Variants in ZBTB17 observed in about 807,000 individuals in gnomAD.
ZBTB17 encodes zinc finger and BTB domain containing 17, also known as zinc finger and BTB domain-containing protein 17.
Under a neutral mutation model 85.1 loss-of-function variants are expected in ZBTB17, and 24 were observed. That is an observed-to-expected ratio of 0.28 (90% confidence interval 0.20 to 0.40). The LOEUF (loss-of-function observed/expected upper bound fraction) is 0.40, where lower values mean the gene tolerates loss of function less well. Ranked by LOEUF, ZBTB17 falls within the 10% of genes least tolerant of loss-of-function variation. The pLI is 1.00. For missense variants in ZBTB17, 743 were observed against 1,105.1 expected (o/e 0.67, Z 4.65); for synonymous variants, 464 against 460.2 (o/e 1.01, Z -0.11).
At chr1:15,944,641 G>T (rs542814547) in intron 8 of ZBTB17, 41 bp from the exon 9 acceptor site, 4 of 1,601,092 alleles carry the variant, frequency 2.5e-6, no homozygotes, top group East Asian at 4.5e-5. Context: ...GCTCGCTGGG[G>T]CGTGAAAGGC....
At position 15,943,783 on chromosome 1, in the gene ZBTB17, G is replaced by A. The variant is rs1285826197; in HGVS notation, c.1459+25C>T. 3.1e-6 allele frequency: 5 copies of A among 1,612,256 alleles called. No individual in the cohort carries two copies. In the South Asian group the frequency reaches 4.4e-5, roughly 14 times the overall value. ...GTGGCCGAGGAGCAGGGGTGTGAGGGCAGCCAGGGCAGCCCTGGCCCTACC... is the reference window on the plus strand; with the variant it reads ...GTGGCCGAGGAGCAGGGGTGTGAGGACAGCCAGGGCAGCCCTGGCCCTACC... On this transcript the variant is annotated intron_variant, in intron 10 of 15. Transcript: ENST00000375743.
At chr1:15,963,983 G>T (rs537585756) in intron 2 of ZBTB17, among the ~76,000 whole-genome samples, 6 of 151,990 alleles carry the variant, frequency 3.9e-5, no homozygotes, top group Non-Finnish European at 7.4e-5. Flanking sequence ...AGCAGGGTGT[G>T]GTGGCGAGTG....
Position 15,945,185 on chromosome 1 carries a change from C to T in ZBTB17, c.679G>A (p.Ala227Thr), listed in dbSNP as rs1285818153. Residue 227 changes from alanine to threonine, a missense_variant, in exon 7 of 16, where the codon GCC (alanine) becomes ACC (threonine). This residue lies in a region of ZBTB17 where 279 missense variants were observed against 269.9 expected (regional missense o/e 1.03). Transcript: ENST00000375743. ...SSEQEMEVEP[A>T]RKGEEEQKEQ... ...TTTTGCTCCTCTTCCCCTTTCCGGG[C>T]GGGCTCCACCTCCATTTCTGCGGAG... The T allele has an allele frequency of 4.5e-6, 7 of 1,555,512 alleles. No homozygotes were observed. The highest frequency in any genetic ancestry group is 2.4e-5 in the South Asian group (2 of 84,348).
intron 2 of ZBTB17, among the ~76,000 whole-genome samples, chr1:15,961,625 G>A (rs1027714549): frequency 2.0e-5 from 3 of 152,172 alleles, no homozygotes; most frequent in Admixed American, 6.5e-5. Context: ...CCCAGGGCTC[G>A]CCCTTCAACA....
At chr1:15,945,919 G>C (rs1465093695) in intron 5 of ZBTB17, 79 bp from the exon 6 acceptor site, 3 of 1,565,152 alleles carry the variant, frequency 1.9e-6, no homozygotes, top group Non-Finnish European at 2.6e-6. Context: ...CAGCGCGCTG[G>C]TGGTGGCTGC....
chr1:15,945,707 G>A lies in ZBTB17; in HGVS notation c.661+8C>T, dbSNP rs749542587. On this transcript the variant is annotated splice_region_variant and intron_variant, in intron 6 of 15. Transcript: ENST00000375743. ...AGGTAGGGCCTGGTCCTGGCTGGGC[G>A]GGGCTACCTTGCTCCGAGCTCTCGG... 3.7e-6 allele frequency: 6 copies of A among 1,606,706 alleles called. No individual in the cohort carries two copies. In the Admixed American group the frequency reaches 5.0e-5, roughly 13 times the overall value.
In ZBTB17 at chr1:15,951,236, G is replaced by A. The variant is rs886497618; in HGVS notation, c.-2-2739C>T. On this transcript the variant is annotated intron_variant, in intron 2 of 15. Coordinates refer to ENST00000375743, the MANE Select transcript of ZBTB17 (RefSeq NM_003443.3). This position sits in a 1 kb window ranked among gnomAD's most constrained non-coding sequence, Gnocchi z 4.1. The stretch of plus-strand genomic sequence containing the variant: ...AACGCACCAAAAGGGAAGAAAACAG[G>A]AGAAATGATAAGAAGGGGGGAGGAA... Among the ~76,000 whole-genome samples the A allele has an allele frequency of 2.0e-5, 3 of 151,436 alleles. No individual in the cohort carries two copies. The East Asian group carries it at 5.9e-4, about 30-fold the overall frequency.
chr1:15,947,850 G>A (rs916381939), intron 3 of ZBTB17, among the ~76,000 whole-genome samples: 27 of 152,154 alleles, frequency 1.8e-4, no homozygotes, highest in Non-Finnish European at 3.7e-4. Context: ...TCTGAATCCA[G>A]GACCAGTTCC....
chr1:15,967,246 T>C (rs977274118), intron 2 of ZBTB17, among the ~76,000 whole-genome samples: 1 of 149,198 alleles, frequency 6.7e-6, no homozygotes, highest in African/African-American at 2.5e-5. Context: ...TGTGGTGGTG[T>C]GTGCTAGTAG....
chr1:15,947,254 C>T, intron 3 of ZBTB17, 131 bp from the exon 4 acceptor site: 2 of 951,668 alleles, frequency 2.1e-6, no homozygotes, highest in Non-Finnish European at 1.6e-6. Context: ...ATCGCCCCAT[C>T]TCCTCTGTGG....
At position 15,964,473 on chromosome 1, in the gene ZBTB17, G is replaced by A. The variant is rs147866411; in HGVS notation, c.-3+8566C>T. On this transcript the variant is annotated intron_variant, in intron 2 of 15. Transcript: ENST00000375743. This position sits in a 1 kb window ranked among gnomAD's most constrained non-coding sequence, Gnocchi z 4.3. Reference sequence around the variant, plus strand: ...TGGCTCACGCCTGTAATCCCAACACGTTGGGAGGCTGAGGTGGGAGGATTG... The same window carrying A: ...TGGCTCACGCCTGTAATCCCAACACATTGGGAGGCTGAGGTGGGAGGATTG... Among the ~76,000 whole-genome samples, 457 of 151,880 alleles carry A rather than the reference G, an allele frequency of 3.0e-3. No individual in the cohort carries two copies. The highest frequency in any genetic ancestry group is 0.01 in the African/African-American group (429 of 41,426).
Position 15,943,863 on chromosome 1 carries a change from G to A in ZBTB17, c.1404C>T (p.His468=), listed in dbSNP as rs896087169. The part of the protein sequence containing the change: ...VGNLKAHLKI[H]IADGPLKCRE... Reference sequence around the variant, plus strand: ...GGCACTTGAGGGGCCCGTCAGCGATGTGGATCTTCAGGTGGGCCTTCAGGT... The same window carrying A: ...GGCACTTGAGGGGCCCGTCAGCGATATGGATCTTCAGGTGGGCCTTCAGGT... Residue 468 remains histidine, a synonymous_variant, in exon 10 of 16, where the codon CAC becomes CAT. Transcript: ENST00000375743. The A allele has an allele frequency of 1.9e-6, 3 of 1,609,694 alleles. No homozygotes were observed. The highest frequency in any genetic ancestry group is 2.5e-6 in the Non-Finnish European group (3 of 1,178,422).
intron 2 of ZBTB17, among the ~76,000 whole-genome samples, chr1:15,955,526 C>T (rs1030888036): frequency 2.0e-5 from 3 of 152,178 alleles, no homozygotes; most frequent in Admixed American, 2.0e-4. Flanking sequence ...GTCCCACCAG[C>T]CAAGGTTCAG....
chr1:15,945,902 C>T, intron 5 of ZBTB17, 62 bp from the exon 6 acceptor site: 1 of 1,565,726 alleles, frequency 6.4e-7, no homozygotes, highest in East Asian at 2.3e-5. Context: ...GGATACCTCT[C>T]CTGGACCAGC....
At chr1:15,958,737 G>GACC (rs2072142908) in intron 2 of ZBTB17, among the ~76,000 whole-genome samples, 1 of 152,184 alleles carries the variant, frequency 6.6e-6, no homozygotes, top group Non-Finnish European at 1.5e-5. Flanking sequence ...GGGACGACGT[G>GACC]ACCACACCTA....
chr1:15,956,831 T>C (rs1035204738), intron 2 of ZBTB17, among the ~76,000 whole-genome samples: 11 of 152,164 alleles, frequency 7.2e-5, no homozygotes, highest in Admixed American at 3.9e-4. Context: ...TACCAAGTGC[T>C]GTGGAGAAAC....
At position 15,953,639 on chromosome 1, in the gene ZBTB17, C is replaced by T. The variant is rs2071944140; in HGVS notation, c.-2-5142G>A. On this transcript the variant is annotated intron_variant, in intron 2 of 15. Transcript: ENST00000375743. This position sits in a 1 kb window ranked among gnomAD's most constrained non-coding sequence, Gnocchi z 5.1. The stretch of plus-strand genomic sequence containing the variant: ...ATCCACTCTGGTGCCAAGTTCCATA[C>T]TGCTGCCTCCACGACGCAGGGATTC... Among the ~76,000 whole-genome samples the T allele has an allele frequency of 6.6e-6, 1 of 152,054 alleles. No individual in the cohort carries two copies. Among genetic ancestry groups the T allele is most frequent in the Non-Finnish European group, 1.5e-5 (1 of 67,994 alleles).
intron 2 of ZBTB17, among the ~76,000 whole-genome samples, chr1:15,957,782 C>G (rs2072104480): frequency 6.6e-6 from 1 of 152,086 alleles, no homozygotes; most frequent in Admixed American, 6.5e-5. Context: ...GCTGATCAAG[C>G]AGATGTGCGT....
rs996333540 is a variant in ZBTB17 at position 15,973,445 on chromosome 1, A to G, written c.-89-320T>C. ...ACTGCAGCATTGGCACTGCTCTGGG[A>G]TATCCTGGACACTTTGTTTCTCATT... On this transcript the variant is annotated intron_variant, in intron 1 of 15. Coordinates refer to ENST00000375743, the MANE Select transcript of ZBTB17 (RefSeq NM_003443.3). This position sits in a 1 kb window ranked among gnomAD's most constrained non-coding sequence, Gnocchi z 4.1. Among the ~76,000 whole-genome samples, 1 of 152,180 alleles carries G rather than the reference A, an allele frequency of 6.6e-6. No individual in the cohort carries two copies. The highest frequency in any genetic ancestry group is 1.5e-5 in the Non-Finnish European group (1 of 68,036).
Sources: gnomAD v4.1 joint callset for allele counts (sites outside exome capture counted in the v4.1 genomes callset) on GRCh38, gnomAD v4.1.1 for gene constraint, gnomAD v4.1.1 regional missense constraint, Gnocchi (gnomAD v3.1) non-coding constraint, MANE v1.5 for transcripts, NCBI Gene and HGNC (gene_info 2026-07-23, HGNC 2026-07-21) for gene names.